Variants in ZNF831 observed in about 807,000 individuals in gnomAD.
The protein encoded by ZNF831 is chromosome 20 open reading frame 174.
ZNF831 carries 59 observed loss-of-function variants against 95.8 expected under a neutral mutation model. That is an observed-to-expected ratio of 0.62 (90% CI 0.50 to 0.77). The LOEUF is 0.77. Ranked by LOEUF, ZNF831 falls within the 30% of genes least tolerant of loss-of-function variation. The pLI is 0.00. For synonymous variants in ZNF831, 961 were observed against 925.5 expected, an observed-to-expected ratio of 1.04 and a Z score of -0.70; for missense variants, 2,205 against 2,164.0, an observed-to-expected ratio of 1.02 and a Z score of -0.38.
Position 59,254,089 on chromosome 20 carries a change from T to C in ZNF831, c.4380T>C (p.Asp1460=). The C allele has an allele frequency of 1.2e-6, 2 of 1,614,074 alleles. No individual in the cohort carries two copies. The highest frequency in any genetic ancestry group is 1.7e-6 in the Non-Finnish European group (2 of 1,180,022). Residue 1460 remains aspartate, a synonymous_variant, in exon 6 of 6, where the codon GAT becomes GAC. Coordinates refer to ENST00000371030, the MANE Select transcript of ZNF831 (RefSeq NM_178457.3). This position sits in a 1 kb window ranked among gnomAD's most constrained non-coding sequence, Gnocchi z 4.5. ...CCTCCCAGGATTCAGTCTCAACAGA[T>C]CCCAAACCATACATCTTCTCAGATG... ...LLASQDSVST[D]PKPYIFSDAQ...
chr20:59,180,083 C>T (rs544777560), intron 1 of ZNF831, among the ~76,000 whole-genome samples: 26 of 152,194 alleles, frequency 1.7e-4, no homozygotes, highest in African/African-American at 2.4e-4. Flanking sequence ...GCTTTCTAGA[C>T]GATCATTTTA....
intron 4 of ZNF831, among the ~76,000 whole-genome samples, chr20:59,252,627 A>T (rs573988400): frequency 1.3e-5 from 2 of 152,332 alleles, no homozygotes; most frequent in South Asian, 4.1e-4. Flanking sequence ...ACTTGGTAGT[A>T]TGTCAGAGAA....
rs1280223730 is a variant in ZNF831 at position 59,191,147 on chromosome 20, C to A, written c.128C>A (p.Pro43Gln). The A allele has an allele frequency of 6.2e-7, 1 of 1,601,272 alleles. No homozygotes were observed. Among genetic ancestry groups the A allele is most frequent in the Non-Finnish European group, 8.5e-7 (1 of 1,177,974 alleles). Residue 43 changes from proline to glutamine, a missense_variant, in exon 2 of 6, where the codon CCG becomes CAG. Pro to Gln is a moderately conservative substitution (Grantham distance 76). Coordinates refer to ENST00000371030, the MANE Select transcript of ZNF831 (RefSeq NM_178457.3). ...CTGACCCTGGGCCCTGTCCTTCTGC[C>A]GCCAGAGCAGGGCCTGGCCCCCCCC... is the stretch of plus-strand genomic sequence containing the variant. ...PHLTLGPVLL[P>Q]PEQGLAPPTV...
intron 3 of ZNF831, among the ~76,000 whole-genome samples, chr20:59,196,273 G>T (rs1476108617): frequency 6.6e-6 from 1 of 152,220 alleles, no homozygotes; most frequent in Non-Finnish European, 1.5e-5. Context: ...CTGGAAGAGA[G>T]AGAGCCTGTT....
At position 59,142,084 on chromosome 20, in the gene ZNF831, C is replaced by T. The variant is rs529050562; in HGVS notation, c.-1424-4147C>T. On this transcript the variant is annotated intron_variant, in intron 1 of 7. Coordinates refer to the ZNF831 transcript ENST00000637017. ...GATGGCTTGCGGCTAATGTATTGAC[C>T]GAGAGGGCAAGCTCTGCCCAACTGT... Among the ~76,000 whole-genome samples the T allele has an allele frequency of 3.3e-5, 5 of 152,276 alleles. No homozygotes were observed. The South Asian group carries it at 8.3e-4, about 25-fold the overall frequency.
chr20:59,141,170 G>C (rs1370242278), intron 1 of ZNF831, among the ~76,000 whole-genome samples: 2 of 152,152 alleles, frequency 1.3e-5, no homozygotes, highest in Non-Finnish European at 2.9e-5. Flanking sequence ...AAAGTGTTGG[G>C]ATTACAGGCA....
intron 3 of ZNF831, among the ~76,000 whole-genome samples, chr20:59,197,285 C>T (rs1247587981): frequency 2.0e-5 from 3 of 152,162 alleles, no homozygotes; most frequent in African/African-American, 7.2e-5. Flanking sequence ...GCCAGACTTT[C>T]CCTAATCGCT....
chr20:59,213,049 T>C (rs1396447611), intron 4 of ZNF831, among the ~76,000 whole-genome samples: 5 of 151,750 alleles, frequency 3.3e-5, no homozygotes, highest in African/African-American at 1.2e-4. Flanking sequence ...TCTAGGAGAG[T>C]GACTTGAATA....
intron 4 of ZNF831, among the ~76,000 whole-genome samples, chr20:59,242,971 A>G (rs886970793): frequency 2.4e-4 from 36 of 152,310 alleles, no homozygotes; most frequent in African/African-American, 8.4e-4. Context: ...CACAATACCA[A>G]TCATTGTGTA....
chr20:59,185,759 T>C (rs868187723), intron 1 of ZNF831, among the ~76,000 whole-genome samples: 3 of 152,192 alleles, frequency 2.0e-5, no homozygotes. Flanking sequence ...AGGCAGGAGC[T>C]GGACGGACTT....
rs1983596538 is a variant in ZNF831, at chr20:59,192,029, G to T, written c.1010G>T (p.Arg337Leu). The T allele has an allele frequency of 6.2e-7, 1 of 1,608,986 alleles. No individual in the cohort carries two copies. Among genetic ancestry groups the T allele is most frequent in the South Asian group, 1.1e-5 (1 of 90,954 alleles). The part of the protein sequence containing the change: ...WDAKAPEGRL[R>L]KCESTDSGYL... ...GCCAAGGCCCCCGAGGGCCGGCTGC[G>T]GAAGTGTGAGAGCACCGACTCGGGG... is the stretch of plus-strand genomic sequence containing the variant. The change falls in exon 2 of 6, where the codon CGG becomes CTG. Residue 337 changes from arginine to leucine, a missense_variant. Physicochemically the swap from Arg to Leu is moderately radical, Grantham distance 102 (BLOSUM62 -2). Transcript: ENST00000371030. The surrounding 1 kb of genome is among the most constrained non-coding windows in gnomAD (Gnocchi z 5.2).
At chr20:59,190,602 G>T (rs747963324) in intron 1 of ZNF831, among the ~76,000 whole-genome samples, 1 of 152,230 alleles carries the variant, frequency 6.6e-6, no homozygotes, top group Non-Finnish European at 1.5e-5. Flanking sequence ...CCTTGAACAA[G>T]CTGCATGACT....
chr20:59,129,244 CATGTGT>C (rs1313270285), intron 1 of ZNF831, among the ~76,000 whole-genome samples: 1 of 151,802 alleles, frequency 6.6e-6, no homozygotes, highest in South Asian at 2.1e-4. Context: ...TGTGCATGTG[CATGTGT>C]GTATGTGTGT....
At chr20:59,210,917 C>G (rs1985267438) in intron 4 of ZNF831, among the ~76,000 whole-genome samples, 2 of 136,180 alleles carry the variant, frequency 1.5e-5, no homozygotes, top group African/African-American at 6.1e-5. Context: ...CCTGTAGTCC[C>G]AGCTACTCGG....
At chr20:59,184,031 C>T (rs536118638) in intron 1 of ZNF831, among the ~76,000 whole-genome samples, 1 of 150,532 alleles carries the variant, frequency 6.6e-6, no homozygotes, top group African/African-American at 2.4e-5. Context: ...ACCTCTTCAT[C>T]CCCTCCTCCC....
At chr20:59,173,127 C>T (rs1981873270) in intron 1 of ZNF831, among the ~76,000 whole-genome samples, 1 of 152,156 alleles carries the variant, frequency 6.6e-6, no homozygotes, top group South Asian at 2.1e-4. Context: ...AAGCTGCTGC[C>T]ACTTGTACGG....
chr20:59,172,221 G>A (rs997419934), intron 1 of ZNF831, among the ~76,000 whole-genome samples: 1 of 152,162 alleles, frequency 6.6e-6, no homozygotes, highest in African/African-American at 2.4e-5. Flanking sequence ...GAGGGACAAC[G>A]TGATCAGTTA....
At chr20:59,214,053 T>C (rs2146655830) in intron 4 of ZNF831, among the ~76,000 whole-genome samples, 1 of 152,354 alleles carries the variant, frequency 6.6e-6, no homozygotes, top group East Asian at 1.9e-4. Flanking sequence ...ACGATTTGTT[T>C]ATACAACTCT....
intron 3 of ZNF831, among the ~76,000 whole-genome samples, chr20:59,205,315 C>T (rs936904599): frequency 2.6e-5 from 4 of 152,180 alleles, no homozygotes; most frequent in Non-Finnish European, 5.9e-5. Flanking sequence ...GCTCCCCACC[C>T]TGGCTCAGAT....
Sources: gnomAD v4.1 joint callset for allele counts (sites outside exome capture counted in the v4.1 genomes callset) on GRCh38, gnomAD v4.1.1 for gene constraint, Gnocchi (gnomAD v3.1) non-coding constraint, MANE v1.5 for transcripts, NCBI Gene and HGNC (gene_info 2026-07-23, HGNC 2026-07-21) for gene names.